IDO1: variants seen among roughly 807,000 people sequenced by gnomAD.
IDO1 encodes indolamine 2,3 dioxygenase.
IDO1 carries 35 observed loss-of-function variants against 38.8 expected under a neutral mutation model. That is an observed-to-expected ratio of 0.90 (90% CI 0.69 to 1.20). The LOEUF is 1.20. Among genes scored for constraint, IDO1 ranks in the 50% most tolerant of loss-of-function variants. IDO1 has a pLI of 0.00. For missense variants in IDO1, 509 were observed against 485.1 expected (o/e 1.05, Z -0.46); for synonymous variants, 171 against 170.0 (o/e 1.01, Z -0.05).
At chr8:39,925,116 C>A in intron 8 of IDO1, 107 bp from the exon 9 acceptor site, 2 of 1,032,908 alleles carry the variant, frequency 1.9e-6, no homozygotes, top group Non-Finnish European at 1.4e-6. Flanking sequence ...ATCATGAAAT[C>A]CATCTCTTGT....
At chr8:39,918,484 C>A in intron 3 of IDO1, 1 of 468,612 alleles carries the variant, frequency 2.1e-6, no homozygotes, top group Non-Finnish European at 3.8e-6. Context: ...TTAAAACACA[C>A]ATGGGCCTCC....
intron 1 of IDO1, among the ~76,000 whole-genome samples, chr8:39,915,934 G>A (rs1807168267): frequency 6.6e-6 from 1 of 152,142 alleles, no homozygotes. Context: ...GGGAGACGGA[G>A]GCGGGTGGAT....
At position 39,925,275 on chromosome 8, in the gene IDO1, G is replaced by C; in HGVS notation, c.760G>C (p.Glu254Gln). The change falls in exon 9 of 10, where the codon GAA becomes CAA. Residue 254 changes from glutamate (E) to glutamine (Q), a missense_variant. Coordinates refer to ENST00000518237, the MANE Select transcript of IDO1 (RefSeq NM_002164.6). ...CGGTCTGGTGTATGAAGGGTTCTGG[G>C]AAGACCCAAAGGAGTTTGCAGGGGG... ...SDGLVYEGFW[E>Q]DPKEFAGGSA... The C allele has an allele frequency of 6.2e-7, 1 of 1,613,522 alleles. No homozygotes were observed. Among genetic ancestry groups the C allele is most frequent in the South Asian group, 1.1e-5 (1 of 91,026 alleles).
At chr8:39,924,808 C>T in intron 8 of IDO1, 36 bp downstream of exon 8, 2 of 1,486,618 alleles carry the variant, frequency 1.3e-6, no homozygotes, top group South Asian at 2.3e-5. Context: ...TTTGCTCTCA[C>T]TTAACAAAGA....
rs181854364 is a variant in IDO1, at chr8:39,928,505, G to A, written c.*320G>A. On this transcript the variant is annotated 3_prime_UTR_variant, in exon 10 of 10. Transcript: ENST00000518237. ...TCCCAGCACTTTGGGAGGCCGAGGC[G>A]GGCGGATCACAAGGTCAGGAGATCG... is the stretch of plus-strand genomic sequence containing the variant. 4.4e-3 allele frequency: 792 copies of A among 180,402 alleles called. 1 individual carries two copies. Among genetic ancestry groups the A allele is most frequent in the African/African-American group, 0.018 (740 of 42,070 alleles). 11.2% of individuals were successfully genotyped at this position (180,402 alleles called of 1,614,324 possible). A position where few individuals can be genotyped will look rare whatever the true frequency, so the allele number is the denominator to read the frequency against.
At position 39,914,025 on chromosome 8, in the gene IDO1, A is replaced by T; in HGVS notation, c.87+16A>T. The T allele has an allele frequency of 6.7e-7, 1 of 1,496,712 alleles. No individual in the cohort carries two copies. The highest frequency in any genetic ancestry group is 1.2e-5 in the South Asian group (1 of 83,032). The allele number at this position is 1,496,712 out of a possible 1,614,324, so 92.7% of individuals were successfully genotyped here. On this transcript the variant is annotated intron_variant, in intron 1 of 9. Transcript: ENST00000518237. ...AAATCCACAGGTAAGAGAAGGCAGT[A>T]AAATGTGGGAAAATGCATTCTTCTT... is the stretch of plus-strand genomic sequence containing the variant.
chr8:39,925,162 C>T, intron 8 of IDO1, 61 bp from the exon 9 acceptor site: 1 of 1,461,554 alleles, frequency 6.8e-7, no homozygotes. Context: ...GATTTGGTAC[C>T]TGAAAATTAG....
At chr8:39,925,427 GAT>G in intron 9 of IDO1, 56 bp downstream of exon 9, 1 of 1,501,016 alleles carries the variant, frequency 6.7e-7, no homozygotes, top group Non-Finnish European at 9.0e-7. Context: ...ATAGTATTTG[GAT>G]ATCTACAAAG....
chr8:39,917,722 A>G (rs1260776582), intron 1 of IDO1, among the ~76,000 whole-genome samples, 153 bp from the exon 2 acceptor site: 5 of 152,360 alleles, frequency 3.3e-5, no homozygotes, highest in African/African-American at 1.2e-4. Flanking sequence ...GCGTGTGCAG[A>G]TGACAAGACA....
At chr8:39,926,254 A>C (rs1214202970) in intron 9 of IDO1, among the ~76,000 whole-genome samples, 1 of 152,194 alleles carries the variant, frequency 6.6e-6, no homozygotes, top group Non-Finnish European at 1.5e-5. Context: ...CTTTCCTCAC[A>C]CCCAAGTTCC....
In IDO1 at chr8:39,918,108, T is replaced by C. The variant is rs747157869; in HGVS notation, c.204T>C (p.Asp68=). 6.2e-7 allele frequency: 1 copy of C among 1,613,996 alleles called. No individual in the cohort carries two copies. Among genetic ancestry groups the C allele is most frequent in the Non-Finnish European group, 8.5e-7 (1 of 1,179,874 alleles). Residue 68 remains aspartate (D), a synonymous_variant, in exon 3 of 10, where the codon GAT becomes GAC. Coordinates refer to ENST00000518237, the MANE Select transcript of IDO1 (RefSeq NM_002164.6). ...TTCAGTTAAACATGCTCAGCATTGA[T>C]CATCTCACAGACCACAAGTCACAGC... ...RVEKLNMLSI[D]HLTDHKSQRL...
intron 6 of IDO1, among the ~76,000 whole-genome samples, chr8:39,923,096 A>G (rs1459350271): frequency 6.6e-6 from 1 of 152,218 alleles, no homozygotes; most frequent in Non-Finnish European, 1.5e-5. Flanking sequence ...CCCAAATTTA[A>G]TTTATGGATT....
At chr8:39,917,346 A>C (rs1301873550) in intron 1 of IDO1, among the ~76,000 whole-genome samples, 6 of 151,824 alleles carry the variant, frequency 4.0e-5, no homozygotes, top group African/African-American at 1.2e-4. Flanking sequence ...AAATACAAAA[A>C]TTAGCCAGGC....
At chr8:39,924,677 T>C (rs1334392698) in intron 7 of IDO1, 44 bp from the exon 8 acceptor site, 4 of 1,392,912 alleles carry the variant, frequency 2.9e-6, no homozygotes, top group Admixed American at 3.5e-5. Flanking sequence ...TTTCCCTGTA[T>C]ACCTCTGATG....
At chr8:39,919,127 T>C (rs1586210194) in intron 4 of IDO1, 194 bp downstream of exon 4, 1 of 723,052 alleles carries the variant, frequency 1.4e-6, no homozygotes. Context: ...ATGTGACAGG[T>C]GTATAGTTAA....
chr8:39,919,092 T>C, intron 4 of IDO1, 159 bp downstream of exon 4: 1 of 749,222 alleles, frequency 1.3e-6, no homozygotes, highest in East Asian at 2.5e-5. Context: ...TGGACTGCTG[T>C]GTCTACCACT....
At chr8:39,922,454 T>C in intron 5 of IDO1, 98 bp from the exon 6 acceptor site, 1 of 784,986 alleles carries the variant, frequency 1.3e-6, no homozygotes, top group Non-Finnish European at 2.2e-6. Context: ...ACCTCTCTCA[T>C]AAAATTATGT....
Position 39,928,731 on chromosome 8 carries a change from TC to T in IDO1, c.*547del, listed in dbSNP as rs1362820650. 9.9e-6 allele frequency among the ~76,000 whole-genome samples: 1 copy of T among 100,864 alleles called. No individual in the cohort carries two copies. The highest frequency in any genetic ancestry group is 1.0e-4 in the Admixed American group (1 of 9,768). The allele number at this position is 100,864 out of a possible 152,430, so 66.2% of individuals were successfully genotyped here. On this transcript the variant is annotated 3_prime_UTR_variant, in exon 10 of 10. Transcript: ENST00000518237. ...CTGGGCTAAAGAGCGGGACTCCGTC[TC>T]AAAAAAAAAAAAAAAAAGATATATT... is the stretch of plus-strand genomic sequence containing the variant.
intron 5 of IDO1, among the ~76,000 whole-genome samples, chr8:39,921,419 C>T (rs1305490767): frequency 6.6e-6 from 1 of 151,870 alleles, no homozygotes; most frequent in Non-Finnish European, 1.5e-5. Context: ...TGCCATTGCA[C>T]TCCAGCCTGG....
Sources: allele counts gnomAD v4.1 joint callset (sites outside exome capture counted in the v4.1 genomes callset), GRCh38; gene constraint gnomAD v4.1.1; transcripts MANE v1.5; gene names NCBI Gene and HGNC (gene_info 2026-07-23, HGNC 2026-07-21).